EYS: variants seen among roughly 807,000 people sequenced by gnomAD.
EYS encodes the protein EGF-like photoreceptor maintenance factor.
EYS carries 250 observed loss-of-function variants against 282.1 expected under a neutral mutation model. That is an observed-to-expected ratio of 0.89 (90% CI 0.80 to 0.98). The LOEUF is 0.98. Among genes scored for constraint, EYS ranks in the 50% least tolerant of loss-of-function variants. The pLI, the probability that EYS is intolerant of heterozygous loss-of-function variation, is 0.00. For missense variants in EYS, 4,016 were observed against 3,709.0 expected (o/e 1.08, Z -2.15); for synonymous variants, 1,355 against 1,282.9 (o/e 1.06, Z -1.20).
intron 34 of EYS, among the ~76,000 whole-genome samples, chr6:63,995,371 A>G (rs570994298): frequency 6.6e-6 from 1 of 152,184 alleles, no homozygotes; most frequent in East Asian, 1.9e-4. Context: ...TATAATTGTT[A>G]AGATGGCTAT....
intron 26 of EYS, among the ~76,000 whole-genome samples, chr6:64,485,088 G>A (rs1246890901): frequency 2.6e-5 from 4 of 151,544 alleles, no homozygotes; most frequent in South Asian, 2.1e-4. Context: ...CCACAAAGTG[G>A]CCCCCAAAAA....
At chr6:64,580,215 A>G (rs1174223597) in intron 26 of EYS, among the ~76,000 whole-genome samples, 3 of 152,140 alleles carry the variant, frequency 2.0e-5, no homozygotes, top group Non-Finnish European at 4.4e-5. Flanking sequence ...AAAGCTTTGG[A>G]TAAAGTATTA....
intron 22 of EYS, among the ~76,000 whole-genome samples, chr6:64,692,439 C>A (rs1186539979): frequency 2.0e-5 from 3 of 152,096 alleles, no homozygotes; most frequent in African/African-American, 7.2e-5. Context: ...CTGTTTATAT[C>A]TTTTGCTGCA....
At chr6:64,123,133 G>T (rs1013603241) in intron 31 of EYS, among the ~76,000 whole-genome samples, 2 of 152,134 alleles carry the variant, frequency 1.3e-5, no homozygotes, top group Non-Finnish European at 2.9e-5. Flanking sequence ...ATGCAAACCA[G>T]CATCGTTTCT....
chr6:64,339,365 AACATGAAAAAAT>A (rs1770999524), intron 29 of EYS, among the ~76,000 whole-genome samples: 1 of 151,920 alleles, frequency 6.6e-6, no homozygotes, highest in South Asian at 2.1e-4. Flanking sequence ...ATGGCCAACA[AACATGAAAAAAT>A]GCTCAACATC....
intron 11 of EYS, among the ~76,000 whole-genome samples, chr6:65,298,124 C>A (rs1768717432): frequency 6.6e-6 from 1 of 152,034 alleles, no homozygotes; most frequent in South Asian, 2.1e-4. Flanking sequence ...CTTTATAATT[C>A]TTCCTGAGCT....
intron 35 of EYS, among the ~76,000 whole-genome samples, chr6:63,870,308 G>A (rs147942654): frequency 5.9e-5 from 9 of 152,228 alleles, no homozygotes; most frequent in Non-Finnish European, 1.0e-4. Context: ...CTACTCAACT[G>A]TTACCATGGT....
In EYS at chr6:65,167,668, G is replaced by C. The variant is rs1453930710; in HGVS notation, c.2024-109941C>G. 1.3e-5 allele frequency among the ~76,000 whole-genome samples: 2 copies of C among 151,148 alleles called. 1 individual carries two copies. The highest frequency in any genetic ancestry group is 1.3e-4 in the Admixed American group (2 of 15,122). On this transcript the variant is annotated intron_variant, in intron 12 of 42. Coordinates refer to ENST00000503581, the MANE Select transcript of EYS (RefSeq NM_001142800.2). Reference sequence around the variant, plus strand: ...TTATAGAACTTCTGGAAACTGACTTGAGAGTACCTGTTTGGGGCAACTATT... The same window carrying C: ...TTATAGAACTTCTGGAAACTGACTTCAGAGTACCTGTTTGGGGCAACTATT...
chr6:65,032,046 G>A (rs946949080), intron 13 of EYS, among the ~76,000 whole-genome samples: 2 of 151,896 alleles, frequency 1.3e-5, no homozygotes, highest in Non-Finnish European at 2.9e-5. Flanking sequence ...CATAACCACT[G>A]ACCCCACAGA....
chr6:64,512,773 G>A (rs971900201), intron 26 of EYS, among the ~76,000 whole-genome samples: 3 of 151,858 alleles, frequency 2.0e-5, no homozygotes, highest in Non-Finnish European at 4.4e-5. Flanking sequence ...AATGCAAAGA[G>A]CTTAAATTTA....
chr6:64,675,042 G>C (rs1769601999), intron 22 of EYS, among the ~76,000 whole-genome samples: 1 of 152,066 alleles, frequency 6.6e-6, no homozygotes, highest in Non-Finnish European at 1.5e-5. Flanking sequence ...AAATCAACAT[G>C]TCCAACATAA....
intron 14 of EYS, among the ~76,000 whole-genome samples, chr6:64,946,594 CT>C (rs1769294539): frequency 6.6e-6 from 1 of 151,804 alleles, no homozygotes; most frequent in Non-Finnish European, 1.5e-5. Context: ...AGATTTTGGG[CT>C]TTTGTCTGTA....
intron 13 of EYS, among the ~76,000 whole-genome samples, chr6:65,030,294 T>C (rs72877831): frequency 0.069 from 10,452 of 152,154 alleles, 460 homozygotes; most frequent in East Asian, 0.13. Context: ...AGGTGCTTCC[T>C]GGTGGCCATT....
At chr6:64,399,670 C>T (rs1773484034) in intron 28 of EYS, among the ~76,000 whole-genome samples, 1 of 151,854 alleles carries the variant, frequency 6.6e-6, no homozygotes, top group South Asian at 2.1e-4. Context: ...TTACATAAGC[C>T]AATTCCTTGA....
intron 33 of EYS, among the ~76,000 whole-genome samples, chr6:64,022,642 T>C (rs1398765067): frequency 1.3e-5 from 2 of 152,184 alleles, no homozygotes; most frequent in African/African-American, 4.8e-5. Context: ...TCTTCAAGAA[T>C]GTTATTCTCT....
At chr6:65,585,964 A>G (rs1765029372) in intron 2 of EYS, among the ~76,000 whole-genome samples, 1 of 152,058 alleles carries the variant, frequency 6.6e-6, no homozygotes. Context: ...AGGCAAAAAG[A>G]GCAATTACTT....
intron 12 of EYS, among the ~76,000 whole-genome samples, chr6:65,133,233 A>C (rs1211837883): frequency 6.7e-6 from 1 of 149,042 alleles, no homozygotes; most frequent in Non-Finnish European, 1.5e-5. Flanking sequence ...TTGAAACAAC[A>C]AAAAAAAGTG....
intron 31 of EYS, among the ~76,000 whole-genome samples, chr6:64,194,538 T>G (rs1765221850): frequency 2.6e-5 from 4 of 152,170 alleles, no homozygotes; most frequent in Non-Finnish European, 5.9e-5. Flanking sequence ...GAAAGTGAAT[T>G]TCTTAATTGC....
intron 15 of EYS, among the ~76,000 whole-genome samples, chr6:64,936,267 T>A (rs571001310): frequency 2.2e-4 from 34 of 151,256 alleles, no homozygotes; most frequent in African/African-American, 8.0e-4. Context: ...AAAAAAACAC[T>A]CAACAAACCA....
Sources: gnomAD v4.1 joint callset for allele counts (sites outside exome capture counted in the v4.1 genomes callset) on GRCh38, gnomAD v4.1.1 for gene constraint, MANE v1.5 for transcripts, NCBI Gene and HGNC (gene_info 2026-07-23, HGNC 2026-07-21) for gene names.